BTN3A2: variants seen among roughly 807,000 people sequenced by gnomAD.
The protein encoded by BTN3A2 is butyrophilin protein.
BTN3A2 carries 25 observed loss-of-function variants against 37.6 expected under a neutral mutation model. The observed-to-expected ratio is 0.66, with a 90% confidence interval of 0.48 to 0.93. The LOEUF is 0.93. BTN3A2 is among the 40% of genes least tolerant of loss of function. BTN3A2 has a pLI of 0.00. For missense variants in BTN3A2, 266 were observed against 410.9 expected, an observed-to-expected ratio of 0.65 and a Z score of 3.05; for synonymous variants, 122 against 159.4, an observed-to-expected ratio of 0.77 and a Z score of 1.77.
intron 3 of BTN3A2, 52 bp from the exon 4 acceptor site, chr6:26,368,513 C>G: frequency 6.2e-7 from 1 of 1,613,894 alleles, no homozygotes; most frequent in Non-Finnish European, 8.5e-7. Context: ...CCCTTCCTCT[C>G]ATGACCCCAA....
At chr6:26,367,903 G>A in intron 1 of BTN3A2, 87 bp from the exon 2 acceptor site, 2 of 520,260 alleles carry the variant, frequency 3.8e-6, no homozygotes, top group Non-Finnish European at 3.0e-6. Flanking sequence ...GGAAGTGTGG[G>A]GAAGTGATAG....
intron 1 of BTN3A2, among the ~76,000 whole-genome samples, chr6:26,367,557 G>T (rs1270177170): frequency 1.3e-5 from 2 of 152,220 alleles, no homozygotes; most frequent in Admixed American, 6.5e-5. Context: ...CATTGTGGGT[G>T]CTCAGTAAAT....
rs756234925 is a variant in BTN3A2, at chr6:26,374,372, C to G, written c.*5C>G. 9 of 1,613,540 alleles carry G rather than the reference C, an allele frequency of 5.6e-6. No homozygotes were observed. Among genetic ancestry groups the G allele is most frequent in the Non-Finnish European group, 7.6e-6 (9 of 1,179,666 alleles). On this transcript the variant is annotated splice_region_variant and 3_prime_UTR_variant, in exon 9 of 11. Transcript: ENST00000377708. ...GATACCAATAAGTCAGCCTGATGCT[C>G]TGTAAGTTTGCTGGGTCACATGCCC...
chr6:26,376,973 G>T lies in BTN3A2; in HGVS notation c.*1211G>T, dbSNP rs1024566208. 1.3e-6 allele frequency: 2 copies of T among 1,549,312 alleles called. No homozygotes were observed. Among genetic ancestry groups the T allele is most frequent in the African/African-American group, 1.4e-5 (1 of 73,584 alleles). Reference sequence around the variant, plus strand: ...TGGACTATGAGACTGGACATATCTCGTTCTACAATGCCACGGATGGATCTC... The same window carrying T: ...TGGACTATGAGACTGGACATATCTCTTTCTACAATGCCACGGATGGATCTC... On this transcript the variant is annotated 3_prime_UTR_variant, in exon 11 of 11. Coordinates refer to ENST00000377708, the MANE Select transcript of BTN3A2 (RefSeq NM_007047.5).
At chr6:26,371,790 T>C (rs1760142741) in intron 5 of BTN3A2, among the ~76,000 whole-genome samples, 1 of 152,124 alleles carries the variant, frequency 6.6e-6, no homozygotes, top group African/African-American at 2.4e-5. Context: ...GTGATCCTCC[T>C]GCCTCAATCT....
chr6:26,368,522 A>G, intron 3 of BTN3A2, 43 bp from the exon 4 acceptor site: 2 of 1,613,852 alleles, frequency 1.2e-6, no homozygotes, highest in Non-Finnish European at 1.7e-6. Context: ...TCATGACCCC[A>G]ACTCCAAAAC....
intron 4 of BTN3A2, among the ~76,000 whole-genome samples, chr6:26,369,792 G>A (rs185452206): frequency 1.3e-5 from 2 of 152,262 alleles, no homozygotes; most frequent in African/African-American, 4.8e-5. Context: ...CTGTGAAATT[G>A]CTTATGTTCA....
rs147417438 is a variant in BTN3A2 at position 26,370,433 on chromosome 6, C to A, written c.545C>A (p.Ala182Asp). 1.1e-4 allele frequency: 176 copies of A among 1,614,070 alleles called. 1 individual carries two copies. The highest frequency in any genetic ancestry group is 1.4e-4 in the Non-Finnish European group (161 of 1,180,026). The change falls in exon 5 of 11, where the codon GCC becomes GAC. Residue 182 changes from alanine (A) to aspartate (D), a missense_variant. Ala to Asp is a moderately radical substitution (Grantham distance 126). This residue lies in a region of BTN3A2 where 204 missense variants were observed against 232.6 expected (regional missense o/e 0.88). Coordinates refer to ENST00000377708, the MANE Select transcript of BTN3A2 (RefSeq NM_007047.5). The part of the protein sequence containing the change: ...YPQPQIQWSN[A>D]KGENIPAVEA... ...CAACCCCAAATACAGTGGAGCAACG[C>A]CAAGGGAGAGAACATCCCAGCTGTG...
Position 26,370,385 on chromosome 6 carries a change from G to T in BTN3A2, c.497G>T (p.Cys166Phe), listed in dbSNP as rs2113690779. 6.2e-7 allele frequency: 1 copy of T among 1,614,188 alleles called. No individual in the cohort carries two copies. The highest frequency in any genetic ancestry group is 2.2e-5 in the East Asian group (1 of 44,886). The change falls in exon 5 of 11, where the codon TGC becomes TTC. Residue 166 changes from cysteine (C) to phenylalanine (F), a missense_variant. Around this residue, in one of 3 missense-constraint regions of BTN3A2, gnomAD observed 204 missense variants for 232.6 expected, o/e 0.88. Transcript: ENST00000377708. Reference protein sequence around the residue: ...GYEDGGIHLECRSTGWYPQPQ... With the variant: ...GYEDGGIHLEFRSTGWYPQPQ... ...GAGGATGGAGGGATCCATCTGGAGT[G>T]CAGGTCCACCGGCTGGTACCCCCAA...
rs2113677937 is a variant in BTN3A2, at chr6:26,368,206, T to C, written c.24T>C (p.Ala8=). Reference sequence around the variant, plus strand: ...AGATGAAAATGGCAAGTTCCCTGGCTTTCCTTCTGCTCAACTTTCATGTCT... The same window carrying C: ...AGATGAAAATGGCAAGTTCCCTGGCCTTCCTTCTGCTCAACTTTCATGTCT... MKMASSL[A]FLLLNFHVSL... Residue 8 remains alanine, a synonymous_variant, in exon 3 of 11, where the codon GCT becomes GCC. Transcript: ENST00000377708. The C allele has an allele frequency of 6.2e-7, 1 of 1,614,236 alleles. No individual in the cohort carries two copies.
At chr6:26,372,161 T>A (rs1046545611) in intron 5 of BTN3A2, among the ~76,000 whole-genome samples, 2 of 152,194 alleles carry the variant, frequency 1.3e-5, no homozygotes, top group Admixed American at 1.3e-4. Flanking sequence ...AAAAGCAAGA[T>A]GCAGAGGGAC....
Position 26,372,943 on chromosome 6 carries a change from G to C in BTN3A2, c.762G>C (p.Gly254=), listed in dbSNP as rs1440677363. The C allele has an allele frequency of 1.2e-6, 2 of 1,614,158 alleles. No individual in the cohort carries two copies. Among genetic ancestry groups the C allele is most frequent in the South Asian group, 2.2e-5 (2 of 91,082 alleles). The change falls in exon 6 of 11, where the codon GGG becomes GGC. Residue 254 remains glycine, a synonymous_variant. Coordinates refer to ENST00000377708, the MANE Select transcript of BTN3A2 (RefSeq NM_007047.5). ...SAQPWIAALA[G]TLPILLLLLA... ...AGCCCTGGATCGCAGCCCTGGCAGG[G>C]ACCCTGCCTATCTTGCTGCTGCTTC...
Position 26,370,318 on chromosome 6 carries a change from A to G in BTN3A2, c.434-4A>G. ...AGAATTTAGGCCAAATTATCCTTCC[A>G]CAGCACTGGGTTCTAATCTTCACGT... is the stretch of plus-strand genomic sequence containing the variant. On this transcript the variant is annotated splice_region_variant and splice_polypyrimidine_tract_variant and intron_variant, in intron 4 of 10. Coordinates refer to ENST00000377708, the MANE Select transcript of BTN3A2 (RefSeq NM_007047.5). 2 of 1,613,552 alleles carry G rather than the reference A, an allele frequency of 1.2e-6. No individual in the cohort carries two copies. Among genetic ancestry groups the G allele is most frequent in the Non-Finnish European group, 1.7e-6 (2 of 1,179,490 alleles).
intron 4 of BTN3A2, among the ~76,000 whole-genome samples, chr6:26,369,740 T>C (rs1389150017): frequency 6.6e-6 from 1 of 152,192 alleles, no homozygotes; most frequent in Non-Finnish European, 1.5e-5. Context: ...GTATTGTTTT[T>C]CCCATGATCC....
intron 5 of BTN3A2, 108 bp downstream of exon 5, chr6:26,370,711 G>C: frequency 1.3e-6 from 2 of 1,542,156 alleles, no homozygotes; most frequent in Non-Finnish European, 1.8e-6. Context: ...TGAATATAAG[G>C]CCCAAAGCAC....
At chr6:26,373,586 TAGA>T in intron 8 of BTN3A2, 173 bp downstream of exon 8, 97 of 174,014 alleles carry the variant, frequency 5.6e-4, no homozygotes, top group East Asian at 7.5e-4. Flanking sequence ...TTTTTCTCTC[TAGA>T]AAAAAAAAAA....
chr6:26,370,614 G>A lies in BTN3A2; in HGVS notation c.715+11G>A. 4.3e-6 allele frequency: 7 copies of A among 1,613,656 alleles called. No individual in the cohort carries two copies. Among genetic ancestry groups the A allele is most frequent in the Non-Finnish European group, 5.9e-6 (7 of 1,179,632 alleles). ...GCATTTCCATCGCAGGTCAGTACCTGCTTGGCCTCAGGTTTTCTGAGCTGA... is the reference window on the plus strand; with the variant it reads ...GCATTTCCATCGCAGGTCAGTACCTACTTGGCCTCAGGTTTTCTGAGCTGA... On this transcript the variant is annotated intron_variant, in intron 5 of 10. Coordinates refer to ENST00000377708, the MANE Select transcript of BTN3A2 (RefSeq NM_007047.5).
At chr6:26,370,264 T>C (rs1759965529) in intron 4 of BTN3A2, 58 bp from the exon 5 acceptor site, 2 of 1,564,304 alleles carry the variant, frequency 1.3e-6, no homozygotes, top group East Asian at 2.3e-5. Context: ...TGATTCCCAT[T>C]GAGACCCTCC....
rs755902264 is a variant in BTN3A2 at position 26,370,333 on chromosome 6, A to G, written c.445A>G (p.Asn149Asp). The G allele has an allele frequency of 9.3e-6, 15 of 1,614,084 alleles. No individual in the cohort carries two copies. The highest frequency in any genetic ancestry group is 1.7e-5 in the Admixed American group (1 of 60,010). Residue 149 changes from asparagine to aspartate, a missense_variant, in exon 5 of 11, where the codon AAT becomes GAT. Physicochemically the swap from Asn to Asp is conservative, Grantham distance 23. Around this residue, in one of 3 missense-constraint regions of BTN3A2, gnomAD observed 204 missense variants for 232.6 expected, o/e 0.88. Transcript: ENST00000377708. ...VELKVAALGS[N>D]LHVEVKGYED... ...TTATCCTTCCACAGCACTGGGTTCTAATCTTCACGTCGAAGTGAAGGGTTA... is the reference window on the plus strand; with the variant it reads ...TTATCCTTCCACAGCACTGGGTTCTGATCTTCACGTCGAAGTGAAGGGTTA...
Sources: allele counts gnomAD v4.1 joint callset (sites outside exome capture counted in the v4.1 genomes callset), GRCh38; gene constraint gnomAD v4.1.1; regional missense constraint gnomAD v4.1.1; transcripts MANE v1.5; gene names NCBI Gene and HGNC (gene_info 2026-07-23, HGNC 2026-07-21).